TBPL1: variants seen among roughly 807,000 people sequenced by gnomAD.
The protein encoded by TBPL1 is TATA-box binding protein like 1, also known as TATA box-binding protein-like 1.
A neutral mutation model predicts 22.1 loss-of-function variants in TBPL1; 4 were observed. The observed-to-expected ratio is 0.18, with a 90% CI of 0.09 to 0.41. TBPL1 has a LOEUF of 0.41. TBPL1 is among the 10% of genes least tolerant of loss of function. The probability of loss-of-function intolerance (pLI) is 1.00; values close to 1 mark genes in which losing one functional copy is unlikely to be tolerated. For missense variants in TBPL1, 115 were observed against 222.3 expected (o/e 0.52, Z 3.07); for synonymous variants, 64 against 71.0 (o/e 0.90, Z 0.50).
At position 133,987,126 on chromosome 6, in the gene TBPL1, A is replaced by G. The variant is rs2114398696; in HGVS notation, c.*86A>G. 2.5e-6 allele frequency: 2 copies of G among 813,024 alleles called. No homozygotes were observed. The highest frequency in any genetic ancestry group is 1.8e-5 in the South Asian group (1 of 55,030). The allele number at this position is 813,024 out of a possible 1,614,324, so 50.4% of individuals were successfully genotyped here. On this transcript the variant is annotated 3_prime_UTR_variant, in exon 7 of 7. Coordinates refer to ENST00000237264, the MANE Select transcript of TBPL1 (RefSeq NM_004865.4). ...ACTCAAAAGGAAAACTGGACCAACA[A>G]TAATTGAGGAAATAGACTCTTTTAT... is the stretch of plus-strand genomic sequence containing the variant.
intron 1 of TBPL1, among the ~76,000 whole-genome samples, chr6:133,958,767 G>A (rs1035808487): frequency 5.9e-5 from 9 of 151,952 alleles, no homozygotes; most frequent in African/African-American, 1.9e-4. Flanking sequence ...TACTATAGAG[G>A]TTTATATAAA....
chr6:133,987,967 C>CA lies in TBPL1; in HGVS notation c.*929dup, dbSNP rs924815636. 2.6e-5 allele frequency: 4 copies of CA among 152,072 alleles called. No homozygotes were observed. The highest frequency in any genetic ancestry group is 9.7e-5 in the African/African-American group (4 of 41,400). 9.4% of individuals were successfully genotyped at this position (152,072 alleles called of 1,614,324 possible). ...GGACCTTTGTTTTTCTGGAAAGACTCAACACCTGTAGTTGTAGAGAAGTGA... is the reference window on the plus strand; with the variant it reads ...GGACCTTTGTTTTTCTGGAAAGACTCAAACACCTGTAGTTGTAGAGAAGTGA... On this transcript the variant is annotated 3_prime_UTR_variant, in exon 7 of 7. Coordinates refer to ENST00000237264, the MANE Select transcript of TBPL1 (RefSeq NM_004865.4).
At chr6:133,970,786 A>C (rs1334041640) in intron 1 of TBPL1, among the ~76,000 whole-genome samples, 1 of 152,022 alleles carries the variant, frequency 6.6e-6, no homozygotes, top group African/African-American at 2.4e-5. Context: ...TTTGTTGTAG[A>C]AATTGAGTCT....
chr6:133,970,932 T>C (rs1776209497), intron 1 of TBPL1, among the ~76,000 whole-genome samples: 1 of 152,214 alleles, frequency 6.6e-6, no homozygotes, highest in Admixed American at 6.5e-5. Flanking sequence ...GAATTTATCA[T>C]TTCTTTGTGG....
At chr6:133,986,936 C>T in intron 6 of TBPL1, 25 bp from the exon 7 acceptor site, 1 of 1,548,140 alleles carries the variant, frequency 6.5e-7, no homozygotes, top group Non-Finnish European at 8.8e-7. Context: ...TCTTCTCACT[C>T]CTTCCTCCAT....
intron 6 of TBPL1, 100 bp downstream of exon 6, chr6:133,984,771 C>G: frequency 9.7e-7 from 1 of 1,034,536 alleles, no homozygotes. Context: ...TCCTTTCAGT[C>G]ACTTCTGCCC....
chr6:133,984,539 T>C (rs760055029), intron 5 of TBPL1, 38 bp from the exon 6 acceptor site: 9 of 1,608,864 alleles, frequency 5.6e-6, no homozygotes, highest in South Asian at 5.5e-5. Flanking sequence ...CTAGTCAGGG[T>C]ATAAATATTT....
In TBPL1 at chr6:133,989,371, T is replaced by A. The variant is rs536428806; in HGVS notation, c.*2331T>A. 2.0e-5 allele frequency: 3 copies of A among 152,164 alleles called. No individual in the cohort carries two copies. The South Asian group carries it at 6.2e-4, about 32-fold the overall frequency. 9.4% of individuals were successfully genotyped at this position (152,164 alleles called of 1,614,324 possible). A position where few individuals can be genotyped will look rare whatever the true frequency, so the allele number is the denominator to read the frequency against. The stretch of plus-strand genomic sequence containing the variant: ...ATAAAAGAAAAATATAAAAGAATGC[T>A]CAAGATACTGAAGTCAAGGTCACTA... On this transcript the variant is annotated 3_prime_UTR_variant, in exon 7 of 7. Coordinates refer to ENST00000237264, the MANE Select transcript of TBPL1 (RefSeq NM_004865.4).
At chr6:133,975,629 A>G (rs546632808) in intron 1 of TBPL1, among the ~76,000 whole-genome samples, 8 of 152,350 alleles carry the variant, frequency 5.3e-5, no homozygotes, top group Admixed American at 4.6e-4. Context: ...AATTCTACCC[A>G]ATAACTAAAT....
chr6:133,967,958 A>G (rs1345709449), intron 1 of TBPL1, among the ~76,000 whole-genome samples: 1 of 152,046 alleles, frequency 6.6e-6, no homozygotes, highest in African/African-American at 2.4e-5. Flanking sequence ...ATGTGCTTAT[A>G]TGAGCACAGG....
At chr6:133,964,991 C>T (rs1284308906) in intron 1 of TBPL1, among the ~76,000 whole-genome samples, 1 of 152,064 alleles carries the variant, frequency 6.6e-6, no homozygotes, top group Admixed American at 6.5e-5. Context: ...AAGTTTGAGC[C>T]CTGCATTCAC....
intron 4 of TBPL1, among the ~76,000 whole-genome samples, chr6:133,983,430 T>C (rs1415957508): frequency 6.6e-6 from 1 of 152,240 alleles, no homozygotes; most frequent in Non-Finnish European, 1.5e-5. Context: ...TCCCTGAAGA[T>C]GAGGGCAAGG....
chr6:133,981,848 T>A (rs1776418595), intron 2 of TBPL1, among the ~76,000 whole-genome samples: 1 of 152,262 alleles, frequency 6.6e-6, no homozygotes, highest in South Asian at 2.1e-4. Context: ...ATTTGCATAT[T>A]TTCTTGGAGC....
Position 133,985,300 on chromosome 6 carries a change from ATATATATATATATATATATAT to A in TBPL1, c.481+630_481+650del, listed in dbSNP as rs1776496246. Among the ~76,000 whole-genome samples the A allele has an allele frequency of 2.5e-4, 9 of 35,724 alleles. 2 individuals carry two copies. The highest frequency in any genetic ancestry group is 3.7e-4 in the Admixed American group (1 of 2,710). The allele number at this position is 35,724 out of a possible 152,430, so 23.4% of individuals were successfully genotyped here. On this transcript the variant is annotated intron_variant, in intron 6 of 6. Transcript: ENST00000237264. ...CTAAAAAAAAAAAAAAAAAAAAAAT[ATATATATATATATATATATAT>A]ATATATATATATATATACACACATA...
At chr6:133,969,004 T>C (rs1776171376) in intron 1 of TBPL1, 1 of 152,226 alleles carries the variant, frequency 6.6e-6, no homozygotes, top group African/African-American at 2.4e-5. Context: ...TTAGTATTCG[T>C]CGAAACAGTG....
chr6:133,963,881 A>G (rs1324253635), intron 1 of TBPL1, among the ~76,000 whole-genome samples: 1 of 151,624 alleles, frequency 6.6e-6, no homozygotes, highest in Non-Finnish European at 1.5e-5. Flanking sequence ...ATACAAAAAA[A>G]AAAAAAAAAA....
chr6:133,973,415 G>T (rs1776258722), intron 1 of TBPL1, among the ~76,000 whole-genome samples: 1 of 152,050 alleles, frequency 6.6e-6, no homozygotes, highest in Non-Finnish European at 1.5e-5. Context: ...GTATTCTCAG[G>T]TTTATTTATT....
chr6:133,952,800 A>C (rs56202166), upstream of TBPL1: 2,526 of 152,278 alleles, frequency 0.017, 24 homozygotes, highest in Non-Finnish European at 0.026. The surrounding 1 kb of genome is among the most constrained non-coding windows in gnomAD (Gnocchi z 4.5). Flanking sequence ...TAATGAGCTG[A>C]TGAGAAAGTT....
At chr6:133,974,102 A>G (rs890943731) in intron 1 of TBPL1, among the ~76,000 whole-genome samples, 12 of 151,908 alleles carry the variant, frequency 7.9e-5, no homozygotes, top group Admixed American at 7.2e-4. Context: ...ATATGTAGAT[A>G]CATAAGCCAA....
Sources: allele counts gnomAD v4.1 joint callset (sites outside exome capture counted in the v4.1 genomes callset), GRCh38; gene constraint gnomAD v4.1.1; non-coding constraint Gnocchi (gnomAD v3.1); transcripts MANE v1.5; gene names NCBI Gene and HGNC (gene_info 2026-07-23, HGNC 2026-07-21).